CFAP52: variants seen among roughly 807,000 people sequenced by gnomAD.
CFAP52 encodes cilia- and flagella-associated protein 52.
In CFAP52, 57 loss-of-function variants were observed where a neutral mutation model predicts 70.5. The observed-to-expected ratio is 0.81, with a 90% confidence interval of 0.65 to 1.01. CFAP52 has a LOEUF of 1.01. Ranked by LOEUF, CFAP52 falls within the 50% of genes least tolerant of loss-of-function variation. CFAP52 has a pLI of 0.00. For synonymous variants in CFAP52, 267 were observed against 292.5 expected (o/e 0.91, Z 0.89); for missense variants, 785 against 788.5 (o/e 1.00, Z 0.05).
rs756901981 is a variant in CFAP52, at chr17:9,628,696, C to T, written c.1050C>T (p.Thr350=). ...FPFGTAELFA[T]CAKKDIRVWH... ...GTGGCACTGCTGAGCTATTTGCAAC[C>T]TGTGCCAAGAAGGATATCAGGGTGT... is the stretch of plus-strand genomic sequence containing the variant. Residue 350 remains threonine (T), a synonymous_variant, in exon 9 of 14, where the codon ACC becomes ACT. Transcript: ENST00000352665. 7 of 1,614,090 alleles carry T rather than the reference C, an allele frequency of 4.3e-6. No individual in the cohort carries two copies. The highest frequency in any genetic ancestry group is 5.9e-6 in the Non-Finnish European group (7 of 1,179,968).
chr17:9,636,673 A>G (rs1910818625), intron 11 of CFAP52, among the ~76,000 whole-genome samples: 1 of 152,080 alleles, frequency 6.6e-6, no homozygotes, highest in African/African-American at 2.4e-5. Context: ...CAAAGATGGG[A>G]GGAAGGAGGC....
chr17:9,634,272 C>A (rs1035839107), intron 10 of CFAP52, among the ~76,000 whole-genome samples: 1 of 152,194 alleles, frequency 6.6e-6, no homozygotes, highest in Non-Finnish European at 1.5e-5. Flanking sequence ...TTTCATAAAT[C>A]CAACATAGGC....
intron 7 of CFAP52, among the ~76,000 whole-genome samples, chr17:9,608,565 T>C (rs1304857292): frequency 2.0e-5 from 3 of 152,346 alleles, no homozygotes; most frequent in African/African-American, 4.8e-5. Flanking sequence ...ATGTTCAAAA[T>C]TGGTTAACTC....
chr17:9,592,200 C>T (rs555684673), intron 3 of CFAP52, among the ~76,000 whole-genome samples: 4 of 152,272 alleles, frequency 2.6e-5, no homozygotes, highest in South Asian at 2.1e-4. Flanking sequence ...CGGTGGCTCA[C>T]GCCTGTATTC....
intron 8 of CFAP52, among the ~76,000 whole-genome samples, chr17:9,613,185 A>G (rs1909779209): frequency 1.3e-5 from 2 of 151,226 alleles, no homozygotes; most frequent in Non-Finnish European, 2.9e-5. Flanking sequence ...GAGGTCTTCT[A>G]GATTTCACAG....
In CFAP52 at chr17:9,596,003, T is replaced by TTA. The variant is rs1219266692; in HGVS notation, c.536+1690_536+1691dup. Among the ~76,000 whole-genome samples, 15 of 139,838 alleles carry TTA rather than the reference T, an allele frequency of 1.1e-4. 1 individual carries two copies. The highest frequency in any genetic ancestry group is 8.2e-4 in the Admixed American group (11 of 13,340). The allele number at this position is 139,838 out of a possible 152,430, so 91.7% of individuals were successfully genotyped here. A position where few individuals can be genotyped will look rare whatever the true frequency, so the allele number is the denominator to read the frequency against. On this transcript the variant is annotated intron_variant, in intron 4 of 13. Transcript: ENST00000352665. The stretch of plus-strand genomic sequence containing the variant: ...AAAAACTATATATATACATACATAG[T>TTA]TATATATATGTTTATATAGTTACAT...
chr17:9,629,466 T>G (rs1047572493), intron 9 of CFAP52, among the ~76,000 whole-genome samples: 7 of 143,968 alleles, frequency 4.9e-5, no homozygotes, highest in African/African-American at 2.7e-5. Context: ...CCCTCTTTTC[T>G]TTCTTTCCCT....
At chr17:9,601,553 A>T (rs988887135) in intron 6 of CFAP52, among the ~76,000 whole-genome samples, 7 of 152,130 alleles carry the variant, frequency 4.6e-5, no homozygotes, top group African/African-American at 1.7e-4. Context: ...CTATAAAACT[A>T]TATATATAAT....
intron 7 of CFAP52, chr17:9,610,358 G>C (rs1847400695): frequency 6.6e-6 from 1 of 152,154 alleles, no homozygotes; most frequent in African/African-American, 2.4e-5. Flanking sequence ...TGCTATCACT[G>C]TTTCCAAAAT....
At chr17:9,622,491 C>T (rs1446414199) in intron 8 of CFAP52, among the ~76,000 whole-genome samples, 2 of 151,662 alleles carry the variant, frequency 1.3e-5, no homozygotes, top group African/African-American at 4.8e-5. Flanking sequence ...CCATGAGCTA[C>T]AATCACACCA....
chr17:9,630,946 A>T (rs1391358509), intron 9 of CFAP52, among the ~76,000 whole-genome samples: 1 of 148,124 alleles, frequency 6.8e-6, no homozygotes, highest in Admixed American at 6.8e-5. Context: ...AGATCGCACC[A>T]CTGCACTCCA....
At chr17:9,579,370 A>G (rs1908112115) in intron 1 of CFAP52, among the ~76,000 whole-genome samples, 1 of 152,144 alleles carries the variant, frequency 6.6e-6, no homozygotes, top group African/African-American at 2.4e-5. Flanking sequence ...GCCTGGTTGC[A>G]GAACGGCAAA....
rs1270885133 is a variant in CFAP52, at chr17:9,578,605, G to C, written c.70+1840G>C. On this transcript the variant is annotated intron_variant, in intron 1 of 13. Coordinates refer to ENST00000352665, the MANE Select transcript of CFAP52 (RefSeq NM_145054.5). The stretch of plus-strand genomic sequence containing the variant: ...TGGAGTCTCGCTCTGTTGTGTAATG[G>C]CACAATCTCGGCTCACTGCAACCTC... Among the ~76,000 whole-genome samples the C allele has an allele frequency of 3.3e-5, 5 of 152,250 alleles. No individual in the cohort carries two copies. The East Asian group carries it at 9.6e-4, about 29-fold the overall frequency.
At chr17:9,643,551 T>G (rs1249052247), downstream of CFAP52, 1 of 162,684 alleles carries the variant, frequency 6.1e-6, no homozygotes, top group African/African-American at 2.4e-5. Flanking sequence ...TAAGGTGAGG[T>G]GAATTTCCTT....
chr17:9,636,032 G>T (rs976240534), intron 11 of CFAP52, among the ~76,000 whole-genome samples: 1 of 151,982 alleles, frequency 6.6e-6, no homozygotes, highest in Non-Finnish European at 1.5e-5. Flanking sequence ...AAGTTAGCTG[G>T]GCGTGGCGGC....
intron 10 of CFAP52, among the ~76,000 whole-genome samples, chr17:9,633,957 A>C (rs1910665941): frequency 6.6e-6 from 1 of 152,180 alleles, no homozygotes; most frequent in African/African-American, 2.4e-5. Context: ...CTGGGATTAC[A>C]GGCGTGAGCC....
At position 9,578,826 on chromosome 17, in the gene CFAP52, T is replaced by G. The variant is rs375565819; in HGVS notation, c.70+2061T>G. 1.0e-3 allele frequency among the ~76,000 whole-genome samples: 155 copies of G among 152,202 alleles called. 8 individuals carry two copies. In the South Asian group the frequency reaches 0.03, roughly 30 times the overall value. ...CTCCCAAAGTGCTGGGATTACAGGC[T>G]TGAGCCACCACACCCAGCCACAGGG... is the stretch of plus-strand genomic sequence containing the variant. On this transcript the variant is annotated intron_variant, in intron 1 of 13. Coordinates refer to ENST00000352665, the MANE Select transcript of CFAP52 (RefSeq NM_145054.5).
At chr17:9,600,005 T>G (rs1475780803) in intron 5 of CFAP52, 62 bp from the exon 6 acceptor site, 3 of 1,433,008 alleles carry the variant, frequency 2.1e-6, no homozygotes, top group African/African-American at 2.8e-5. Context: ...CCTCCCAAAG[T>G]GCTGATATTA....
chr17:9,628,555 G>A (rs1167747008), intron 8 of CFAP52, 117 bp from the exon 9 acceptor site: 1 of 1,405,524 alleles, frequency 7.1e-7, no homozygotes, highest in African/African-American at 1.4e-5. Context: ...GGGATTACAG[G>A]TTTGAGCCAC....
Sources: allele counts gnomAD v4.1 joint callset (sites outside exome capture counted in the v4.1 genomes callset), GRCh38; gene constraint gnomAD v4.1.1; transcripts MANE v1.5; gene names NCBI Gene and HGNC (gene_info 2026-07-23, HGNC 2026-07-21).